Variants in CACFD1 observed in about 807,000 individuals in gnomAD.
CACFD1 encodes the protein calcium channel flower homolog.
In CACFD1, 26 loss-of-function variants were observed where a neutral mutation model predicts 21.3. That is an observed-to-expected ratio of 1.22 (90% CI 0.89 to 1.69). CACFD1 has a LOEUF of 1.69. Ranked by LOEUF, CACFD1 falls within the 40% of genes most tolerant of loss-of-function variation. The pLI is 0.00. For synonymous variants in CACFD1, 121 were observed against 106.6 expected, an observed-to-expected ratio of 1.13 and a Z score of -0.83; for missense variants, 265 against 236.2, an observed-to-expected ratio of 1.12 and a Z score of -0.80.
intron 4 of CACFD1, 92 bp downstream of exon 4, chr9:133,468,120 T>C (rs1843516688): frequency 8.6e-7 from 1 of 1,161,604 alleles, no homozygotes; most frequent in Admixed American, 2.1e-5. Flanking sequence ...TGGCCCCTTT[T>C]AGCTAGTGGA....
At position 133,460,104 on chromosome 9, in the gene CACFD1, G is replaced by C. The variant is rs782731993; in HGVS notation, c.38G>C (p.Ser13Thr). The C allele has an allele frequency of 7.7e-6, 12 of 1,563,418 alleles. No homozygotes were observed. In the South Asian group the frequency reaches 1.3e-4, roughly 17 times the overall value. ...SSGGAPGASASSAPPAQEEGM... is the reference protein window; with the variant it reads ...SSGGAPGASATSAPPAQEEGM... ...GGTGGGGCGCCCGGGGCGTCCGCCA[G>C]CTCTGCGCCGCCCGCGCAGGAAGAG... The change falls in exon 1 of 5, where the codon AGC becomes ACC. Residue 13 changes from serine to threonine, a missense_variant. By Grantham distance (58) the Ser-to-Thr change is moderately conservative (BLOSUM62 1). Transcript: ENST00000316948.
At position 133,465,096 on chromosome 9, in the gene CACFD1, G is replaced by T; in HGVS notation, c.195-226G>T. 1 of 570,708 alleles carries T rather than the reference G, an allele frequency of 1.8e-6. No homozygotes were observed. The highest frequency in any genetic ancestry group is 3.1e-6 in the Non-Finnish European group (1 of 319,202). The allele number at this position is 570,708 out of a possible 1,614,324, so 35.4% of individuals were successfully genotyped here. A position where few individuals can be genotyped will look rare whatever the true frequency, so the allele number is the denominator to read the frequency against. ...CCTCTAGGAGTGTTCAGTTCAGCTG[G>T]GGAGATGGGTGTGCAGGAGCAGCTG... On this transcript the variant is annotated intron_variant, in intron 2 of 4. Transcript: ENST00000316948. The surrounding 1 kb of genome is among the most constrained non-coding windows in gnomAD (Gnocchi z 5.0).
rs79354933 is a variant in CACFD1 at position 133,463,055 on chromosome 9, G to A, written c.122-428G>A. Among the ~76,000 whole-genome samples, 1,468 of 152,328 alleles carry A rather than the reference G, an allele frequency of 9.6e-3. 37 individuals carry two copies. The highest frequency in any genetic ancestry group is 0.034 in the African/African-American group (1,405 of 41,564). ...GAGTCAGAGGACTTCTTGTGTGGCC[G>A]GCCCTGTGAATGGTGGCAAGTGACC... On this transcript the variant is annotated intron_variant, in intron 1 of 4. Coordinates refer to ENST00000316948, the MANE Select transcript of CACFD1 (RefSeq NM_017586.5).
rs979226591 is a variant in CACFD1, at chr9:133,470,823, G to A, written c.*2170G>A. On this transcript the variant is annotated 3_prime_UTR_variant, in exon 5 of 5. Coordinates refer to ENST00000316948, the MANE Select transcript of CACFD1 (RefSeq NM_017586.5). ...GTGTGTGAGTGTGGAAGCCAGGCAG[G>A]AGCCGCTGGCCCAGGAAATAACTAC... The A allele has an allele frequency of 6.6e-6, 1 of 152,376 alleles. No individual in the cohort carries two copies. Among genetic ancestry groups the A allele is most frequent in the Admixed American group, 6.5e-5 (1 of 15,292 alleles). 9.4% of individuals were successfully genotyped at this position (152,376 alleles called of 1,614,324 possible).
In CACFD1 at chr9:133,465,673, G is replaced by A; in HGVS notation, c.320+226G>A. On this transcript the variant is annotated intron_variant, in intron 3 of 4. Transcript: ENST00000316948. This position sits in a 1 kb window ranked among gnomAD's most constrained non-coding sequence, Gnocchi z 5.0. ...GTCGCTGTGCCGTAGTCACTGGAAG[G>A]TTCAGAGGTATATGAGCATGTGTGG... is the stretch of plus-strand genomic sequence containing the variant. 1 of 554,954 alleles carries A rather than the reference G, an allele frequency of 1.8e-6. No homozygotes were observed. Among genetic ancestry groups the A allele is most frequent in the African/African-American group, 1.9e-5 (1 of 52,710 alleles). 34.4% of individuals were successfully genotyped at this position (554,954 alleles called of 1,614,324 possible).
intron 1 of CACFD1, 160 bp from the exon 2 acceptor site, chr9:133,463,323 C>G (rs1843291952): frequency 1.1e-6 from 1 of 894,352 alleles, no homozygotes; most frequent in East Asian, 1.2e-4. Flanking sequence ...CGTCTCCTCA[C>G]CTGTCTCAGA....
chr9:133,466,008 G>A (rs1843422227), intron 3 of CACFD1, among the ~76,000 whole-genome samples: 1 of 152,194 alleles, frequency 6.6e-6, no homozygotes, highest in South Asian at 2.1e-4. Flanking sequence ...GAAACTCCTA[G>A]AATAATGCCT....
Position 133,465,568 on chromosome 9 carries a change from C to T in CACFD1, c.320+121C>T. The T allele has an allele frequency of 9.6e-7, 1 of 1,039,172 alleles. No individual in the cohort carries two copies. The highest frequency in any genetic ancestry group is 2.4e-5 in the East Asian group (1 of 41,246). The allele number at this position is 1,039,172 out of a possible 1,614,324, so 64.4% of individuals were successfully genotyped here. A position where few individuals can be genotyped will look rare whatever the true frequency, so the allele number is the denominator to read the frequency against. On this transcript the variant is annotated intron_variant, in intron 3 of 4. Transcript: ENST00000316948. The surrounding 1 kb of genome is among the most constrained non-coding windows in gnomAD (Gnocchi z 5.0). ...CAGTTCCTCTCTGTGGAAGTGTAAA[C>T]TGGGATTGCCTTTGTGCACAGTGAT... is the stretch of plus-strand genomic sequence containing the variant.
chr9:133,460,212 G>T, intron 1 of CACFD1, 25 bp downstream of exon 1: 2 of 1,504,302 alleles, frequency 1.3e-6, no homozygotes. Flanking sequence ...GGGGAGAGGG[G>T]CCGGCCCCGC....
At position 133,461,894 on chromosome 9, in the gene CACFD1, G is replaced by A. The variant is rs192972145; in HGVS notation, c.122-1589G>A. 1.3e-4 allele frequency: 131 copies of A among 985,428 alleles called. 1 individual carries two copies. The African/African-American group carries it at 1.8e-3, about 14-fold the overall frequency. The allele number at this position is 985,428 out of a possible 1,614,324, so 61.0% of individuals were successfully genotyped here. On this transcript the variant is annotated intron_variant, in intron 1 of 4. Coordinates refer to ENST00000316948, the MANE Select transcript of CACFD1 (RefSeq NM_017586.5). ...GGTTGTGTGCCGGGCTGGTCCTTGG[G>A]TAAGGTTTTCCTCCTCCAGGGTGAG... is the stretch of plus-strand genomic sequence containing the variant.
At chr9:133,460,284 C>G in intron 1 of CACFD1, 97 bp downstream of exon 1, 1 of 1,149,580 alleles carries the variant, frequency 8.7e-7, no homozygotes, top group Non-Finnish European at 1.1e-6. Flanking sequence ...GGGGAAAGGA[C>G]CCGCTGGGGG....
At chr9:133,468,498 G>GTC (rs1554800066) in intron 4 of CACFD1, 65 bp from the exon 5 acceptor site, 1 of 1,545,970 alleles carries the variant, frequency 6.5e-7, no homozygotes, top group Admixed American at 2.0e-5. Context: ...GAACCGGGCA[G>GTC]TGGTCAGGAG....
chr9:133,469,176 G>C lies in CACFD1; in HGVS notation c.*523G>C, dbSNP rs1416557566. ...CCCTGCCTTCTGAAGAAGCCCACAG[G>C]GCTCCTAAGGTGCACCCCGGTACCT... is the stretch of plus-strand genomic sequence containing the variant. On this transcript the variant is annotated 3_prime_UTR_variant, in exon 5 of 5. Transcript: ENST00000316948. 1 of 156,558 alleles carries C rather than the reference G, an allele frequency of 6.4e-6. No homozygotes were observed. Among genetic ancestry groups the C allele is most frequent in the Non-Finnish European group, 1.4e-5 (1 of 71,098 alleles). The allele number at this position is 156,558 out of a possible 1,614,324, so 9.7% of individuals were successfully genotyped here. A position where few individuals can be genotyped will look rare whatever the true frequency, so the allele number is the denominator to read the frequency against.
At chr9:133,468,245 G>T (rs1250507199) in intron 4 of CACFD1, 2 of 1,418,888 alleles carry the variant, frequency 1.4e-6, no homozygotes, top group African/African-American at 2.9e-5. Flanking sequence ...GTCACGGCCT[G>T]CAGCAAGGAT....
Position 133,460,134 on chromosome 9 carries a change from T to G in CACFD1, c.68T>G (p.Met23Arg). 1 of 1,561,600 alleles carries G rather than the reference T, an allele frequency of 6.4e-7. No homozygotes were observed. The highest frequency in any genetic ancestry group is 8.7e-7 in the Non-Finnish European group (1 of 1,152,710). ...GCGCCGCCCGCGCAGGAAGAGGGCA[T>G]GACGTGGTGGTACCGCTGGCTGTGT... Reference protein sequence around the residue: ...SSAPPAQEEGMTWWYRWLCRL... With the variant: ...SSAPPAQEEGRTWWYRWLCRL... The change falls in exon 1 of 5, where the codon ATG becomes AGG. Residue 23 changes from methionine (M) to arginine (R), a missense_variant. Met to Arg is a moderately conservative substitution (Grantham distance 91). Transcript: ENST00000316948.
In CACFD1 at chr9:133,460,187, T is replaced by G. The variant is rs1843077955; in HGVS notation, c.121T>G (p.Ser41Ala). Residue 41 changes from serine to alanine, a missense_variant and splice_region_variant, in exon 1 of 5, where the codon TCT becomes GCT. Physicochemically the swap from Ser to Ala is moderately conservative, Grantham distance 99. Coordinates refer to ENST00000316948, the MANE Select transcript of CACFD1 (RefSeq NM_017586.5). ...CCTGTCTGGGGTGCTGGGGGCAGTC[T>G]GTGAGTATCCAGTCGGGGAGAGGGG... is the stretch of plus-strand genomic sequence containing the variant. Reference protein sequence around the residue: ...CRLSGVLGAVSCAISGLFNCI... With the variant: ...CRLSGVLGAVACAISGLFNCI... 1.3e-6 allele frequency: 2 copies of G among 1,545,488 alleles called. No individual in the cohort carries two copies. Among genetic ancestry groups the G allele is most frequent in the Non-Finnish European group, 1.7e-6 (2 of 1,146,018 alleles).
At chr9:133,464,861 C>T (rs1843368176) in intron 2 of CACFD1, among the ~76,000 whole-genome samples, 1 of 152,218 alleles carries the variant, frequency 6.6e-6, no homozygotes. Context: ...CTCTCTGCCT[C>T]CCTGGTGGGG....
rs587648445 is a variant in CACFD1 at position 133,465,396 on chromosome 9, C to T, written c.269C>T (p.Ala90Val). The T allele has an allele frequency of 2.2e-5, 36 of 1,613,878 alleles. No individual in the cohort carries two copies. The South Asian group carries it at 2.4e-4, about 11-fold the overall frequency. ...CQFIEFANTV[A>V]EKVDRLRSWQ... The stretch of plus-strand genomic sequence containing the variant: ...TTCATCGAGTTTGCAAACACAGTGG[C>T]GGAGAAGGTGGACCGGCTGCGCTCC... The change falls in exon 3 of 5, where the codon GCG becomes GTG. Residue 90 changes from alanine (A) to valine (V), a missense_variant. Ala to Val is a moderately conservative substitution (Grantham distance 64). Transcript: ENST00000316948. This position sits in a 1 kb window ranked among gnomAD's most constrained non-coding sequence, Gnocchi z 5.0.
chr9:133,462,359 A>G (rs1843255962), intron 1 of CACFD1: 1 of 1,180,358 alleles, frequency 8.5e-7, no homozygotes, highest in African/African-American at 1.6e-5. Context: ...GCTGAGGAGC[A>G]GTGCAACGCT....
Sources: gnomAD v4.1 joint callset for allele counts (sites outside exome capture counted in the v4.1 genomes callset) on GRCh38, gnomAD v4.1.1 for gene constraint, Gnocchi (gnomAD v3.1) non-coding constraint, MANE v1.5 for transcripts, NCBI Gene and HGNC (gene_info 2026-07-23, HGNC 2026-07-21) for gene names.